The following FGF12 variants were observed in gnomAD, a reference collection of about 807,000 sequenced individuals.
FGF12 encodes the protein fibroblast growth factor 12B.
A neutral mutation model predicts 23.6 loss-of-function variants in FGF12; 14 were observed. The observed-to-expected ratio is 0.59, with a 90% CI of 0.39 to 0.93. The LOEUF is 0.93. Among genes scored for constraint, FGF12 ranks in the 40% least tolerant of loss-of-function variants. FGF12 has a pLI of 0.00. For synonymous variants in FGF12, 62 were observed against 77.3 expected (o/e 0.80, Z 1.04); for missense variants, 175 against 217.8 (o/e 0.80, Z 1.24).
chr3:192,254,058 G>T (rs1157462054), intron 4 of FGF12, among the ~76,000 whole-genome samples: 1 of 151,778 alleles, frequency 6.6e-6, no homozygotes, highest in Non-Finnish European at 1.5e-5. Context: ...CACTCTCTCA[G>T]TGATTTTCAA....
intron 2 of FGF12, among the ~76,000 whole-genome samples, chr3:192,432,692 A>G (rs568165107): frequency 3.5e-4 from 53 of 152,012 alleles, no homozygotes; most frequent in Admixed American, 1.7e-3. Flanking sequence ...TCTTGCAAAC[A>G]CAAGGAATTG....
At chr3:192,629,282 CT>C (rs1715298747) in intron 2 of FGF12, among the ~76,000 whole-genome samples, 1 of 152,204 alleles carries the variant, frequency 6.6e-6, no homozygotes, top group African/African-American at 2.4e-5. Context: ...TTTACTTCAT[CT>C]GAGACAAACT....
At chr3:192,590,687 T>C (rs1324011497) in intron 2 of FGF12, among the ~76,000 whole-genome samples, 1 of 151,968 alleles carries the variant, frequency 6.6e-6, no homozygotes, top group East Asian at 1.9e-4. Flanking sequence ...ATTACTCATG[T>C]TCCACTCCTC....
intron 2 of FGF12, among the ~76,000 whole-genome samples, chr3:192,566,117 T>A (rs1481742959): frequency 6.6e-6 from 1 of 152,172 alleles, no homozygotes; most frequent in Non-Finnish European, 1.5e-5. Flanking sequence ...TGACTGCATA[T>A]GAAGCAGGCA....
chr3:192,222,523 T>C (rs1718529965), intron 4 of FGF12, among the ~76,000 whole-genome samples: 2 of 152,136 alleles, frequency 1.3e-5, no homozygotes, highest in Non-Finnish European at 2.9e-5. Context: ...GCACATCAGA[T>C]TTCACCTTGC....
intron 4 of FGF12, chr3:192,244,758 T>C (rs997069377): frequency 6.6e-6 from 1 of 152,166 alleles, no homozygotes; most frequent in Non-Finnish European, 1.5e-5. Context: ...GATTTTGAAA[T>C]CCAGAATACT....
Position 192,481,852 on chromosome 3 carries a change from T to C in FGF12, c.14-121314A>G, listed in dbSNP as rs531199892. ...TCTGAAATTCTGCCCAAAAGTATCC[T>C]AACCACTATGCAACATGTATTGCTC... is the stretch of plus-strand genomic sequence containing the variant. On this transcript the variant is annotated intron_variant, in intron 2 of 5. Coordinates refer to ENST00000445105, the MANE Select transcript of FGF12 (RefSeq NM_004113.6). Among the ~76,000 whole-genome samples, 17 of 152,328 alleles carry C rather than the reference T, an allele frequency of 1.1e-4. No homozygotes were observed. In the South Asian group the frequency reaches 1.9e-3, roughly 17 times the overall value.
At chr3:192,478,931 AACCTGCTCAGTCC>A (rs1267980506) in intron 2 of FGF12, among the ~76,000 whole-genome samples, 2 of 152,192 alleles carry the variant, frequency 1.3e-5, no homozygotes, top group Admixed American at 6.6e-5. Context: ...CTCTGGTTAG[AACCTGCTCAGTCC>A]ACTTTTCTGC....
At chr3:192,726,416 A>G (rs983730680) in intron 2 of FGF12, among the ~76,000 whole-genome samples, 1 of 152,214 alleles carries the variant, frequency 6.6e-6, no homozygotes, top group African/African-American at 2.4e-5. Context: ...GGTTAAATCC[A>G]AAAGATATCT....
chr3:192,396,934 T>C (rs1720548598), intron 2 of FGF12, among the ~76,000 whole-genome samples: 2 of 152,270 alleles, frequency 1.3e-5, no homozygotes, highest in South Asian at 4.1e-4. Context: ...GGAACCTCCA[T>C]CTTCACCAGA....
intron 2 of FGF12, among the ~76,000 whole-genome samples, chr3:192,651,426 C>T (rs750652469): frequency 3.8e-4 from 58 of 152,134 alleles, no homozygotes; most frequent in Admixed American, 9.8e-4. Flanking sequence ...TAATAAATGA[C>T]GAGGGAGGTT....
At chr3:192,197,358 G>T (rs900746571) in intron 4 of FGF12, among the ~76,000 whole-genome samples, 7 of 151,958 alleles carry the variant, frequency 4.6e-5, no homozygotes, top group Non-Finnish European at 8.8e-5. Context: ...TCAGTGTGAG[G>T]TTTTTATATT....
chr3:192,176,665 T>A (rs1018341067), intron 4 of FGF12, among the ~76,000 whole-genome samples: 5 of 152,214 alleles, frequency 3.3e-5, no homozygotes, highest in Non-Finnish European at 1.5e-5. Flanking sequence ...TAAAAATGTT[T>A]GAAGATTAAG....
chr3:192,356,130 A>C (rs1458544330), intron 3 of FGF12, among the ~76,000 whole-genome samples: 1 of 152,180 alleles, frequency 6.6e-6, no homozygotes, highest in Non-Finnish European at 1.5e-5. Flanking sequence ...GGACTAAATG[A>C]GACCTTAAAA....
chr3:192,672,596 G>A lies in FGF12; in HGVS notation c.13+54585C>T, dbSNP rs144121716. Among the ~76,000 whole-genome samples the A allele has an allele frequency of 9.0e-3, 1,357 of 151,128 alleles. 87 individuals are homozygous for A. Among genetic ancestry groups the A allele is most frequent in the Non-Finnish European group, 0.015 (1,013 of 67,492 alleles). The stretch of plus-strand genomic sequence containing the variant: ...AGGCACAGTTGTTTATCAAACCGTT[G>A]AAGTGATAACACAAACAAGCTTCTT... On this transcript the variant is annotated intron_variant, in intron 2 of 5. Coordinates refer to ENST00000445105, the MANE Select transcript of FGF12 (RefSeq NM_004113.6).
chr3:192,413,578 G>C (rs1721262171), intron 2 of FGF12, among the ~76,000 whole-genome samples: 1 of 152,104 alleles, frequency 6.6e-6, no homozygotes, highest in Non-Finnish European at 1.5e-5. Context: ...CCTAAAACAG[G>C]AAAACACACC....
rs377262128 is a variant in FGF12, at chr3:192,712,801, G to A, written c.13+14380C>T. On this transcript the variant is annotated intron_variant, in intron 2 of 5. Transcript: ENST00000445105. ...AAGAGAGTGAACTAATACAGAGGATGCAGGAGAACAAGAGATCCAAGCAGA... is the reference window on the plus strand; with the variant it reads ...AAGAGAGTGAACTAATACAGAGGATACAGGAGAACAAGAGATCCAAGCAGA... Among the ~76,000 whole-genome samples, 4 of 152,026 alleles carry A rather than the reference G, an allele frequency of 2.6e-5. No homozygotes were observed. In the East Asian group the frequency reaches 5.8e-4, roughly 22 times the overall value.
At chr3:192,208,923 T>G (rs1267782552) in intron 4 of FGF12, among the ~76,000 whole-genome samples, 1 of 152,240 alleles carries the variant, frequency 6.6e-6, no homozygotes, top group East Asian at 1.9e-4. Flanking sequence ...TCAGTTGAAC[T>G]AGTTCAGAGA....
rs1488786321 is a variant in FGF12, at chr3:192,141,914, G to A, written c.*2095C>T. 1 of 151,256 alleles carries A rather than the reference G, an allele frequency of 6.6e-6. No individual in the cohort carries two copies. Among genetic ancestry groups the A allele is most frequent in the Non-Finnish European group, 1.5e-5 (1 of 67,680 alleles). 9.4% of individuals were successfully genotyped at this position (151,256 alleles called of 1,614,324 possible). On this transcript the variant is annotated 3_prime_UTR_variant, in exon 6 of 6. Coordinates refer to ENST00000445105, the MANE Select transcript of FGF12 (RefSeq NM_004113.6). ...TTTTTTCAAATAAAATAAGCTTTGT[G>A]CTTGGGATTTTTTTCTTTTTTTTTT...
Sources: allele counts gnomAD v4.1 joint callset (sites outside exome capture counted in the v4.1 genomes callset), GRCh38; gene constraint gnomAD v4.1.1; transcripts MANE v1.5; gene names NCBI Gene and HGNC (gene_info 2026-07-23, HGNC 2026-07-21).